PAICS: variants seen among roughly 807,000 people sequenced by gnomAD.
PAICS encodes the protein phosphoribosylaminoimidazole carboxylase and phosphoribosylaminoimidazolesuccinocarboxamide synthase.
In PAICS, 33 loss-of-function variants were observed where a neutral mutation model predicts 53.7. That is an observed-to-expected ratio of 0.61 (90% CI 0.47 to 0.82). The LOEUF (loss-of-function observed/expected upper bound fraction) is 0.82, where lower values mean the gene tolerates loss of function less well. Among genes scored for constraint, PAICS ranks in the 40% least tolerant of loss-of-function variants. The probability of loss-of-function intolerance (pLI) is 0.00; values close to 1 mark genes in which losing one functional copy is unlikely to be tolerated. For missense variants in PAICS, 394 were observed against 494.1 expected (o/e 0.80, Z 1.92); for synonymous variants, 141 against 167.2 (o/e 0.84, Z 1.21).
chr4:56,436,893 G>A (rs1258957982), intron 1 of PAICS, among the ~76,000 whole-genome samples: 1 of 152,182 alleles, frequency 6.6e-6, no homozygotes, highest in Non-Finnish European at 1.5e-5. Context: ...AGCTACTCAG[G>A]AGGCTGAGGT....
the PAICS span, chr4:56,421,407 CA>C: frequency 6.6e-6 from 1 of 152,412 alleles, no homozygotes; most frequent in Non-Finnish European, 1.5e-5. Context: ...TGAATCCTCC[CA>C]AAACCATGGC....
chr4:56,427,494 G>A, the PAICS span, among the ~76,000 whole-genome samples: 13 of 152,172 alleles, frequency 8.5e-5, no homozygotes, highest in African/African-American at 3.1e-4. Context: ...CAACAAGAGT[G>A]ATTTAAACAC....
intron 1 of PAICS, among the ~76,000 whole-genome samples, chr4:56,440,201 A>G (rs570175414): frequency 3.0e-4 from 46 of 152,226 alleles, no homozygotes; most frequent in Non-Finnish European, 3.8e-4. Flanking sequence ...AGCTAGGGGA[A>G]GATTGTATAA....
chr4:56,448,925 T>C lies in PAICS; in HGVS notation c.687+102T>C, dbSNP rs182572109. The C allele has an allele frequency of 4.3e-3, 2,826 of 657,878 alleles. 18 individuals carry two copies. The highest frequency in any genetic ancestry group is 5.6e-3 in the Non-Finnish European group (2,064 of 365,608). 40.8% of individuals were successfully genotyped at this position (657,878 alleles called of 1,614,324 possible). On this transcript the variant is annotated intron_variant, in intron 5 of 8. Transcript: ENST00000512576. Reference sequence around the variant, plus strand: ...AAGCAAATTATTGTTCCTAATGATATGAACCTGTTTTGTGGATTGCTGTTT... The same window carrying C: ...AAGCAAATTATTGTTCCTAATGATACGAACCTGTTTTGTGGATTGCTGTTT...
Position 56,460,059 on chromosome 4 carries a change from TTA to T in PAICS, c.*523_*524del, listed in dbSNP as rs1223946072. The T allele has an allele frequency of 1.3e-5, 2 of 152,918 alleles. No individual in the cohort carries two copies. The highest frequency in any genetic ancestry group is 2.9e-5 in the Non-Finnish European group (2 of 68,678). The allele number at this position is 152,918 out of a possible 1,614,324, so 9.5% of individuals were successfully genotyped here. A position where few individuals can be genotyped will look rare whatever the true frequency, so the allele number is the denominator to read the frequency against. ...CTTGCAGCACCATGCCGAGCTAATT[TTA>T]TTTTTTGTAGAGATGAGCTCTCACT... On this transcript the variant is annotated 3_prime_UTR_variant, in exon 9 of 9. Coordinates refer to ENST00000512576, the MANE Select transcript of PAICS (RefSeq NM_001079524.2).
At chr4:56,428,908 A>C in the PAICS span, 1 of 690,302 alleles carries the variant, frequency 1.4e-6, no homozygotes, top group South Asian at 6.5e-5. Flanking sequence ...ATGATGTCAC[A>C]TAATGATTCT....
At chr4:56,450,589 GT>G in intron 5 of PAICS, 29 bp from the exon 6 acceptor site, 1 of 1,214,406 alleles carries the variant, frequency 8.2e-7, no homozygotes. Context: ...AGAGATACTT[GT>G]TTTCTAAACT....
chr4:56,419,910 A>G, the PAICS span: 3 of 984,586 alleles, frequency 3.0e-6, no homozygotes, highest in African/African-American at 5.2e-5. Context: ...TCTAGGCATG[A>G]CTAAGAGTAT....
intron 5 of PAICS, among the ~76,000 whole-genome samples, chr4:56,449,794 A>C (rs1718805375): frequency 6.7e-6 from 1 of 149,496 alleles, no homozygotes; most frequent in African/African-American, 2.5e-5. Context: ...CAAGATAGTG[A>C]AACCTTGTCT....
At chr4:56,439,671 T>C (rs1005924665) in intron 1 of PAICS, among the ~76,000 whole-genome samples, 3 of 152,148 alleles carry the variant, frequency 2.0e-5, no homozygotes, top group East Asian at 3.9e-4. Context: ...TTTTTTTTTA[T>C]TGAGACAGGG....
intron 5 of PAICS, among the ~76,000 whole-genome samples, chr4:56,449,549 T>C (rs981921163): frequency 1.6e-4 from 25 of 152,152 alleles, no homozygotes; most frequent in African/African-American, 6.0e-4. Context: ...ATCATTCTAC[T>C]GTAAAGACAC....
chr4:56,416,430 T>C, the PAICS span: 39 of 705,668 alleles, frequency 5.5e-5, no homozygotes, highest in Non-Finnish European at 6.8e-5. Context: ...GTCAGACCAA[T>C]GGAACTAGGT....
the PAICS span, chr4:56,410,610 G>A: frequency 2.0e-6 from 2 of 985,906 alleles, no homozygotes; most frequent in Non-Finnish European, 2.4e-6. Flanking sequence ...CAACTTTATG[G>A]AACACTAAGA....
chr4:56,450,312 CAT>C (rs1202922666), intron 5 of PAICS, among the ~76,000 whole-genome samples: 11 of 152,110 alleles, frequency 7.2e-5, no homozygotes, highest in African/African-American at 2.7e-4. Flanking sequence ...ACATTCTGCA[CAT>C]GTATTTAAAA....
the PAICS span, among the ~76,000 whole-genome samples, chr4:56,411,109 T>A: frequency 8.5e-5 from 13 of 152,178 alleles, no homozygotes; most frequent in African/African-American, 3.1e-4. Context: ...ATTACCACTT[T>A]AAAAAAATCT....
intron 2 of PAICS, among the ~76,000 whole-genome samples, chr4:56,445,347 C>T (rs1718558235): frequency 6.6e-6 from 1 of 152,124 alleles, no homozygotes; most frequent in Non-Finnish European, 1.5e-5. Context: ...CCTGTAATCC[C>T]AGCACCTTGG....
chr4:56,412,810 C>T, the PAICS span, among the ~76,000 whole-genome samples: 3 of 152,150 alleles, frequency 2.0e-5, no homozygotes, highest in East Asian at 1.9e-4. Context: ...ACCTCTTTAC[C>T]GGGCTCCCTA....
chr4:56,422,788 C>G, the PAICS span: 1 of 152,092 alleles, frequency 6.6e-6, no homozygotes, highest in Non-Finnish European at 1.5e-5. Flanking sequence ...TAACTCAAAA[C>G]ACATAAATGA....
upstream of PAICS, chr4:56,435,579 G>C (rs1440834715): frequency 2.5e-6 from 4 of 1,582,012 alleles, no homozygotes; most frequent in Admixed American, 6.8e-5. Context: ...TCGCGCTCGC[G>C]ACAGGCTCTT....
Sources: allele counts gnomAD v4.1 joint callset (sites outside exome capture counted in the v4.1 genomes callset), GRCh38; gene constraint gnomAD v4.1.1; transcripts MANE v1.5; gene names NCBI Gene and HGNC (gene_info 2026-07-23, HGNC 2026-07-21).